The following RPL7A variants were observed in gnomAD, a reference collection of about 807,000 sequenced individuals.
The protein encoded by RPL7A is large ribosomal subunit protein eL8.
For synonymous variants in RPL7A, 158 were observed against 128.2 expected (o/e 1.23, Z -1.57); for missense variants, 291 against 338.2 (o/e 0.86, Z 1.09).
At chr9:133,348,310 T>C (rs1836267552) in intron 1 of RPL7A, 64 bp downstream of exon 1, 2 of 1,612,092 alleles carry the variant, frequency 1.2e-6, no homozygotes, top group Non-Finnish European at 8.5e-7. Flanking sequence ...GCCATCCTCC[T>C]CCAGGCGCGG....
At chr9:133,350,382 C>T (rs2119076472) in intron 5 of RPL7A, 63 bp downstream of exon 5, 1 of 1,585,396 alleles carries the variant, frequency 6.3e-7, no homozygotes, top group Non-Finnish European at 8.7e-7. Flanking sequence ...AGAGAGTAGA[C>T]CTAATGCCAA....
Position 133,349,948 on chromosome 9 carries a change from C to G in RPL7A, c.311C>G (p.Pro104Arg). The part of the protein sequence containing the change: ...QLLKLAHKYR[P>R]ETKQEKKQRL... Reference sequence around the variant, plus strand: ...CTTAAGCTGGCCCACAAGTACAGACCAGAGACAAAGCAAGAGAAGAAGCAG... The same window carrying G: ...CTTAAGCTGGCCCACAAGTACAGACGAGAGACAAAGCAAGAGAAGAAGCAG... The change falls in exon 4 of 8, where the codon CCA becomes CGA. Residue 104 changes from proline (P) to arginine (R), a missense_variant. By Grantham distance (103) the Pro-to-Arg change is moderately radical (BLOSUM62 -2). Transcript: ENST00000323345. 3 of 1,611,774 alleles carry G rather than the reference C, an allele frequency of 1.9e-6. No individual in the cohort carries two copies. Among genetic ancestry groups the G allele is most frequent in the Non-Finnish European group, 2.5e-6 (3 of 1,180,000 alleles).
In RPL7A at chr9:133,350,038, C is replaced by G; in HGVS notation, c.401C>G (p.Pro134Arg). ...GGGGACGTCCCAACGAAGAGACCACCTGTCCTTCGAGCAGGTGAGTAGGCC... is the reference window on the plus strand; with the variant it reads ...GGGGACGTCCCAACGAAGAGACCACGTGTCCTTCGAGCAGGTGAGTAGGCC... Reference protein sequence around the residue: ...GKGDVPTKRPPVLRAGVNTVT... With the variant: ...GKGDVPTKRPRVLRAGVNTVT... The change falls in exon 4 of 8, where the codon CCT (proline) becomes CGT (arginine). Residue 134 changes from proline (P) to arginine (R), a missense_variant. By Grantham distance (103) the Pro-to-Arg change is moderately radical. Coordinates refer to ENST00000323345, the MANE Select transcript of RPL7A (RefSeq NM_000972.3). The G allele has an allele frequency of 6.2e-7, 1 of 1,613,828 alleles. No individual in the cohort carries two copies.
At chr9:133,350,114 C>A in intron 4 of RPL7A, 62 bp downstream of exon 4, 1 of 1,613,862 alleles carries the variant, frequency 6.2e-7, no homozygotes, top group Non-Finnish European at 8.5e-7. Context: ...TGTAAAATTT[C>A]TTGGCCTGAA....
intron 1 of RPL7A, chr9:133,348,486 G>GCTGGGTGTCGCAGGC (rs2129978880): frequency 5.3e-5 from 33 of 620,854 alleles, no homozygotes; most frequent in Non-Finnish European, 7.6e-5. Context: ...GTGTCGCAGG[G>GCTGGGTGTCGCAGGC]CTGGGTGTCG....
chr9:133,349,912 C>G lies in RPL7A; in HGVS notation c.275C>G (p.Ala92Gly). The change falls in exon 4 of 8, where the codon GCT (alanine) becomes GGT (glycine). Residue 92 changes from alanine (A) to glycine (G), a missense_variant and splice_region_variant. Ala to Gly is a moderately conservative substitution (Grantham distance 60, BLOSUM62 0). Coordinates refer to ENST00000323345, the MANE Select transcript of RPL7A (RefSeq NM_000972.3). Reference sequence around the variant, plus strand: ...CCTAAACTGAAGAGTGTTTTTCCAGCTACTCAGCTGCTTAAGCTGGCCCAC... The same window carrying G: ...CCTAAACTGAAGAGTGTTTTTCCAGGTACTCAGCTGCTTAAGCTGGCCCAC... ...QFTQALDRQT[A>G]TQLLKLAHKY... The G allele has an allele frequency of 1.2e-6, 2 of 1,611,052 alleles. No homozygotes were observed. Among genetic ancestry groups the G allele is most frequent in the Admixed American group, 1.7e-5 (1 of 59,920 alleles).
chr9:133,349,160 T>G (rs1836307132), intron 2 of RPL7A, 118 bp downstream of exon 2: 2 of 1,250,952 alleles, frequency 1.6e-6, no homozygotes, highest in South Asian at 1.4e-5. Flanking sequence ...GTCCTTAATT[T>G]GTGTCTCTTA....
chr9:133,350,098 C>T (rs2129991308), intron 4 of RPL7A, 46 bp downstream of exon 4: 13 of 1,613,692 alleles, frequency 8.1e-6, no homozygotes, highest in African/African-American at 1.3e-5. Flanking sequence ...CGGGCTGTTG[C>T]AGTGATGTAA....
intron 5 of RPL7A, 125 bp downstream of exon 5, chr9:133,350,444 C>T (rs2129993639): frequency 6.7e-7 from 1 of 1,490,720 alleles, no homozygotes; most frequent in South Asian, 1.1e-5. Flanking sequence ...AGATCCAACA[C>T]ATGCGTGGCT....
chr9:133,350,917 CTG>C lies in RPL7A; in HGVS notation c.627-83_627-82del, dbSNP rs1198814470. The stretch of plus-strand genomic sequence containing the variant: ...TCAGCATTGCATCTGAGGCAAAAGA[CTG>C]TCTTGAGCTAAAAGGTATTTTTGCA... On this transcript the variant is annotated intron_variant, in intron 6 of 7. Coordinates refer to ENST00000323345, the MANE Select transcript of RPL7A (RefSeq NM_000972.3). 3 of 1,522,082 alleles carry C rather than the reference CTG, an allele frequency of 2.0e-6. No individual in the cohort carries two copies. The African/African-American group carries it at 4.1e-5, about 21-fold the overall frequency. The allele number at this position is 1,522,082 out of a possible 1,614,324, so 94.3% of individuals were successfully genotyped here.
At chr9:133,348,791 A>C (rs2129980986) in intron 1 of RPL7A, 131 bp from the exon 2 acceptor site, 1 of 1,414,698 alleles carries the variant, frequency 7.1e-7, no homozygotes. Flanking sequence ...GGGGGGTTGC[A>C]GAAAGCTGCT....
chr9:133,349,933 C>T lies in RPL7A; in HGVS notation c.296C>T (p.Ala99Val). ...CCAGCTACTCAGCTGCTTAAGCTGG[C>T]CCACAAGTACAGACCAGAGACAAAG... is the stretch of plus-strand genomic sequence containing the variant. ...RQTATQLLKLAHKYRPETKQE... is the reference protein window; with the variant it reads ...RQTATQLLKLVHKYRPETKQE... Residue 99 changes from alanine (A) to valine (V), a missense_variant, in exon 4 of 8, where the codon GCC becomes GTC. Physicochemically the swap from Ala to Val is moderately conservative, Grantham distance 64 (BLOSUM62 0). Transcript: ENST00000323345. The T allele has an allele frequency of 6.2e-7, 1 of 1,611,586 alleles. No homozygotes were observed. The highest frequency in any genetic ancestry group is 1.1e-5 in the South Asian group (1 of 90,988).
At chr9:133,351,119 C>T (rs2129998254) in intron 7 of RPL7A, 48 bp downstream of exon 7, 31 of 1,593,076 alleles carry the variant, frequency 1.9e-5, no homozygotes, top group Non-Finnish European at 2.2e-5. Context: ...AAATCTTTCT[C>T]CCAAATAACT....
At chr9:133,350,383 C>G (rs1697411685) in intron 5 of RPL7A, 64 bp downstream of exon 5, 1 of 1,584,420 alleles carries the variant, frequency 6.3e-7, no homozygotes, top group Non-Finnish European at 8.7e-7. Context: ...GAGAGTAGAC[C>G]TAATGCCAAG....
chr9:133,351,273 C>G lies in RPL7A; in HGVS notation c.708C>G (p.His236Gln), dbSNP rs781851954. The G allele has an allele frequency of 2.5e-6, 4 of 1,613,966 alleles. No homozygotes were observed. Among genetic ancestry groups the G allele is most frequent in the Non-Finnish European group, 3.4e-6 (4 of 1,179,860 alleles). ...TTTTGTCTTTTCAGATCCGCCGTCA[C>G]TGGGGTGGCAATGTCCTGGGTCCTA... Reference protein sequence around the residue: ...YNDRYDEIRRHWGGNVLGPKS... With the variant: ...YNDRYDEIRRQWGGNVLGPKS... The change falls in exon 8 of 8, where the codon CAC (histidine) becomes CAG (glutamine). Residue 236 changes from histidine (H) to glutamine (Q), a missense_variant. His to Gln is a conservative substitution (Grantham distance 24, BLOSUM62 0). Transcript: ENST00000323345.
At chr9:133,348,616 C>T (rs938012707) in intron 1 of RPL7A, 6 of 624,804 alleles carry the variant, frequency 9.6e-6, no homozygotes, top group Non-Finnish European at 1.8e-5. Context: ...CTTCTAGAGC[C>T]TGTGGGGCCG....
At chr9:133,348,389 G>T in intron 1 of RPL7A, 143 bp downstream of exon 1, 2 of 1,177,118 alleles carry the variant, frequency 1.7e-6, no homozygotes, top group Non-Finnish European at 1.3e-6. Flanking sequence ...AGACACCGAG[G>T]TGGATTAGAG....
intron 2 of RPL7A, 101 bp from the exon 3 acceptor site, chr9:133,349,450 A>G (rs2119074947): frequency 1.4e-6 from 2 of 1,418,390 alleles, no homozygotes; most frequent in Non-Finnish European, 2.0e-6. Flanking sequence ...GACATTTTAA[A>G]CCACCAAGAT....
chr9:133,349,380 T>C, intron 2 of RPL7A, 171 bp from the exon 3 acceptor site: 1 of 945,084 alleles, frequency 1.1e-6, no homozygotes. Context: ...GTGCTCTTTG[T>C]TCTCAGGTGT....
Sources: allele counts gnomAD v4.1 joint callset, GRCh38; gene constraint gnomAD v4.1.1; transcripts MANE v1.5; gene names NCBI Gene and HGNC (gene_info 2026-07-23, HGNC 2026-07-21).